The following VEZT variants were observed in gnomAD, a reference collection of about 807,000 sequenced individuals.
VEZT encodes the protein vezatin, adherens junctions transmembrane protein.
Under a neutral mutation model 79.9 loss-of-function variants are expected in VEZT, and 39 were observed. The observed-to-expected ratio is 0.49, with a 90% confidence interval of 0.38 to 0.64. The LOEUF is 0.64. VEZT is among the 30% of genes least tolerant of loss of function. The pLI is 0.00. For synonymous variants in VEZT, 325 were observed against 327.6 expected (o/e 0.99, Z 0.09); for missense variants, 837 against 893.1 (o/e 0.94, Z 0.80).
chr12:95,224,587 C>G (rs1462733146), intron 1 of VEZT, among the ~76,000 whole-genome samples: 2 of 152,190 alleles, frequency 1.3e-5, no homozygotes, highest in Admixed American at 1.3e-4. Flanking sequence ...CCCTCTACCC[C>G]TATTACCACT....
At chr12:95,229,346 T>G (rs983837291) in intron 1 of VEZT, among the ~76,000 whole-genome samples, 1 of 152,236 alleles carries the variant, frequency 6.6e-6, no homozygotes, top group East Asian at 1.9e-4. Flanking sequence ...TGGTATTTTA[T>G]GTGCAGCTAT....
At chr12:95,291,512 C>T (rs1420169438) in intron 9 of VEZT, among the ~76,000 whole-genome samples, 10 of 152,158 alleles carry the variant, frequency 6.6e-5, no homozygotes, top group Admixed American at 6.5e-4. Flanking sequence ...GCCTTGCAGG[C>T]CATATGGTGT....
intron 5 of VEZT, among the ~76,000 whole-genome samples, chr12:95,268,478 A>G (rs1250445163): frequency 1.3e-5 from 2 of 152,196 alleles, no homozygotes; most frequent in Non-Finnish European, 1.5e-5. Context: ...AGCCTGGACG[A>G]CAGAGCGAGA....
At chr12:95,273,533 C>T (rs2138904386) in intron 6 of VEZT, among the ~76,000 whole-genome samples, 1 of 152,194 alleles carries the variant, frequency 6.6e-6, no homozygotes, top group South Asian at 2.1e-4. Flanking sequence ...CCCTTAATAC[C>T]TCATGAATTT....
Position 95,296,345 on chromosome 12 carries a change from T to A in VEZT, c.1831+87T>A, listed in dbSNP as rs1243762326. On this transcript the variant is annotated intron_variant, in intron 11 of 11. Coordinates refer to ENST00000436874, the MANE Select transcript of VEZT (RefSeq NM_017599.4). ...CATGAATGTTATTTTAGCTGAAGAA[T>A]TCTTGGGGTTTTATAAGGGTCCACC... 1.1e-5 allele frequency: 15 copies of A among 1,337,526 alleles called. No individual in the cohort carries two copies. In the African/African-American group the frequency reaches 2.2e-4, roughly 20 times the overall value. The allele number at this position is 1,337,526 out of a possible 1,614,324, so 82.9% of individuals were successfully genotyped here.
At chr12:95,218,083 C>G in intron 1 of VEZT, 197 bp downstream of exon 1, 1 of 424,860 alleles carries the variant, frequency 2.4e-6, no homozygotes, top group Non-Finnish European at 4.1e-6. Flanking sequence ...CTGGCCGTGG[C>G]CGGCCTCTAT....
intron 1 of VEZT, among the ~76,000 whole-genome samples, chr12:95,231,764 G>A (rs966570911): frequency 6.6e-5 from 10 of 152,090 alleles, no homozygotes; most frequent in Admixed American, 2.6e-4. Context: ...TAAGGTTTAA[G>A]GGAGATAAAG....
chr12:95,230,795 G>A (rs949416712), intron 1 of VEZT, among the ~76,000 whole-genome samples: 15 of 152,010 alleles, frequency 9.9e-5, no homozygotes, highest in African/African-American at 3.4e-4. Flanking sequence ...TTAAGTGACC[G>A]ATGTGTGCCA....
intron 1 of VEZT, among the ~76,000 whole-genome samples, chr12:95,235,072 C>T (rs1482293125): frequency 4.7e-5 from 7 of 149,360 alleles, no homozygotes; most frequent in South Asian, 2.2e-4. Context: ...TACACAGACA[C>T]GGCAACCATC....
At chr12:95,288,554 G>C (rs2071617747) in intron 9 of VEZT, among the ~76,000 whole-genome samples, 1 of 152,052 alleles carries the variant, frequency 6.6e-6, no homozygotes, top group Non-Finnish European at 1.5e-5. Context: ...CTCAGACTTA[G>C]GCATAGAATT....
At chr12:95,264,825 T>C (rs555139776) in intron 4 of VEZT, among the ~76,000 whole-genome samples, 1 of 151,994 alleles carries the variant, frequency 6.6e-6, no homozygotes, top group African/African-American at 2.4e-5. Context: ...TTTTCAGCTA[T>C]TCTCAGACAC....
At chr12:95,294,081 A>G (rs967298588) in intron 9 of VEZT, 191 bp from the exon 10 acceptor site, 13 of 487,514 alleles carry the variant, frequency 2.7e-5, no homozygotes, top group Non-Finnish European at 4.5e-5. Flanking sequence ...TTGTAGCGAC[A>G]GAGTCTTTGT....
intron 2 of VEZT, chr12:95,256,406 T>C (rs752173785): frequency 8.3e-5 from 28 of 335,496 alleles, no homozygotes; most frequent in Non-Finnish European, 1.5e-4. Context: ...AACTCCAGTG[T>C]TAGCTCCTCT....
chr12:95,274,697 T>A (rs766075634), intron 6 of VEZT, 45 bp from the exon 7 acceptor site: 3 of 1,571,750 alleles, frequency 1.9e-6, no homozygotes, highest in Non-Finnish European at 2.6e-6. Context: ...GTATCTTTTA[T>A]GCTTTCATGA....
chr12:95,240,073 G>GAAGGAAGAAAGGAAGA (rs1491323550), intron 1 of VEZT, among the ~76,000 whole-genome samples: 1 of 98,902 alleles, frequency 1.0e-5, no homozygotes, highest in Admixed American at 1.0e-4. Flanking sequence ...AGGAAGGAAG[G>GAAGGAAGAAAGGAAGA]AAGAAAAGAA....
At chr12:95,219,607 T>C (rs2057269080) in intron 1 of VEZT, among the ~76,000 whole-genome samples, 1 of 152,204 alleles carries the variant, frequency 6.6e-6, no homozygotes, top group Non-Finnish European at 1.5e-5. Flanking sequence ...AAAAATACCA[T>C]TGTAATCAAC....
intron 4 of VEZT, among the ~76,000 whole-genome samples, chr12:95,264,379 A>G (rs559335776): frequency 1.3e-5 from 2 of 152,328 alleles, no homozygotes; most frequent in South Asian, 4.1e-4. Context: ...ATTTTGCTTT[A>G]TGGTATTGCC....
intron 1 of VEZT, among the ~76,000 whole-genome samples, chr12:95,247,855 A>C (rs1007433840): frequency 6.6e-6 from 1 of 152,228 alleles, no homozygotes; most frequent in Non-Finnish European, 1.5e-5. Flanking sequence ...CTGGGTTTAC[A>C]TGTGTTAGGA....
At chr12:95,225,187 T>C (rs1391053981) in intron 1 of VEZT, among the ~76,000 whole-genome samples, 1 of 152,200 alleles carries the variant, frequency 6.6e-6, no homozygotes, top group Admixed American at 6.5e-5. Context: ...AGGGAATTAA[T>C]GGTTAGATTA....
Sources: gnomAD v4.1 joint callset for allele counts (sites outside exome capture counted in the v4.1 genomes callset) on GRCh38, gnomAD v4.1.1 for gene constraint, MANE v1.5 for transcripts, NCBI Gene and HGNC (gene_info 2026-07-23, HGNC 2026-07-21) for gene names.